ARPC2: variants seen among roughly 807,000 people sequenced by gnomAD.
ARPC2 encodes the protein actin-related protein 2/3 complex subunit 2.
A neutral mutation model predicts 38.6 loss-of-function variants in ARPC2; 4 were observed. The observed-to-expected ratio is 0.10, with a 90% CI of 0.05 to 0.24. The LOEUF (loss-of-function observed/expected upper bound fraction) is 0.24, where lower values mean the gene tolerates loss of function less well. Ranked by LOEUF, ARPC2 falls within the 10% of genes least tolerant of loss-of-function variation. ARPC2 has a pLI of 1.00. For missense variants in ARPC2, 229 were observed against 387.3 expected (o/e 0.59, Z 3.43); for synonymous variants, 125 against 140.8 (o/e 0.89, Z 0.79).
At chr2:218,224,099 A>G (rs1689443013) in intron 2 of ARPC2, among the ~76,000 whole-genome samples, 1 of 152,202 alleles carries the variant, frequency 6.6e-6, no homozygotes, top group East Asian at 1.9e-4. Context: ...TGATTTGACA[A>G]ATATTGCTAA....
At chr2:218,237,558 A>C in intron 5 of ARPC2, among the ~76,000 whole-genome samples, 2 of 149,938 alleles carry the variant, frequency 1.3e-5, no homozygotes, top group Admixed American at 6.7e-5. Context: ...GGAAATTAAC[A>C]AGTCAGGCAA....
rs766884359 is a variant in ARPC2, at chr2:218,253,874, T to TA, written c.879-16dup. 31 of 1,613,640 alleles carry TA rather than the reference T, an allele frequency of 1.9e-5. No homozygotes were observed. In the South Asian group the frequency reaches 3.2e-4, roughly 17 times the overall value. On this transcript the variant is annotated splice_polypyrimidine_tract_variant and intron_variant, in intron 10 of 10. Coordinates refer to ENST00000315717, the MANE Select transcript of ARPC2 (RefSeq NM_152862.3). Reference sequence around the variant, plus strand: ...GCAGCCAGAAACTGACCTTCGCACTTATCTCTCCTTTTGAAGGGGGAAGAC... The same window carrying TA: ...GCAGCCAGAAACTGACCTTCGCACTTAATCTCTCCTTTTGAAGGGGGAAGAC...
intron 2 of ARPC2, among the ~76,000 whole-genome samples, chr2:218,221,982 T>C (rs376842491): frequency 3.3e-5 from 5 of 152,164 alleles, no homozygotes. Context: ...AAATGGGGAA[T>C]TGGGGCCAGG....
intron 5 of ARPC2, among the ~76,000 whole-genome samples, chr2:218,238,000 C>T (rs746210762): frequency 2.6e-5 from 4 of 152,176 alleles, no homozygotes; most frequent in Non-Finnish European, 5.9e-5. Flanking sequence ...CTCCTTTTCC[C>T]TCTGCAAAAC....
chr2:218,229,433 G>A (rs1251226893), intron 4 of ARPC2: 2 of 152,210 alleles, frequency 1.3e-5, no homozygotes, highest in African/African-American at 4.8e-5. Context: ...TTTGCTCTGA[G>A]GAGAGCCATT....
chr2:218,249,282 A>T, intron 8 of ARPC2, 82 bp from the exon 9 acceptor site: 1 of 894,256 alleles, frequency 1.1e-6, no homozygotes, highest in Non-Finnish European at 1.8e-6. Context: ...AGAGGGAGTG[A>T]TGTTCACTAG....
intron 4 of ARPC2, chr2:218,233,375 TA>T (rs1318414230): frequency 6.6e-6 from 1 of 152,136 alleles, no homozygotes; most frequent in Non-Finnish European, 1.5e-5. Flanking sequence ...TCATAATTTT[TA>T]ACATGAGTTT....
intron 8 of ARPC2, among the ~76,000 whole-genome samples, chr2:218,246,283 G>A (rs1690029891): frequency 6.6e-6 from 1 of 152,030 alleles, no homozygotes; most frequent in Non-Finnish European, 1.5e-5. Context: ...AGCACTGTGG[G>A]AGGCCAACAT....
intron 3 of ARPC2, among the ~76,000 whole-genome samples, chr2:218,228,369 C>G (rs1689554002): frequency 6.6e-6 from 1 of 151,852 alleles, no homozygotes; most frequent in South Asian, 2.1e-4. Flanking sequence ...CACCATTGCA[C>G]TCCAGCCTGG....
chr2:218,244,198 A>T (rs1689978660), intron 7 of ARPC2, among the ~76,000 whole-genome samples: 1 of 152,168 alleles, frequency 6.6e-6, no homozygotes, highest in Non-Finnish European at 1.5e-5. Context: ...GACTAATCTA[A>T]CCCAGTTGAT....
At chr2:218,248,606 A>C (rs924796432) in intron 8 of ARPC2, among the ~76,000 whole-genome samples, 1 of 152,212 alleles carries the variant, frequency 6.6e-6, no homozygotes, top group African/African-American at 2.4e-5. Flanking sequence ...GATTACAGGC[A>C]CACGCCATCA....
intron 5 of ARPC2, 38 bp from the exon 6 acceptor site, chr2:218,238,626 G>C (rs1319484330): frequency 8.9e-7 from 1 of 1,126,900 alleles, no homozygotes; most frequent in Non-Finnish European, 1.2e-6. Flanking sequence ...TGTAACTGCT[G>C]GGTTGTTTTT....
chr2:218,230,564 G>A (rs147522905), intron 4 of ARPC2, among the ~76,000 whole-genome samples: 6 of 152,256 alleles, frequency 3.9e-5, no homozygotes, highest in African/African-American at 1.4e-4. Flanking sequence ...CTCCCAAAGT[G>A]CTGGGATTAT....
At chr2:218,242,018 C>T (rs1308591546) in intron 7 of ARPC2, among the ~76,000 whole-genome samples, 1 of 152,216 alleles carries the variant, frequency 6.6e-6, no homozygotes, top group African/African-American at 2.4e-5. Flanking sequence ...AAGTTGTACC[C>T]TGAGAACACT....
intron 7 of ARPC2, among the ~76,000 whole-genome samples, chr2:218,243,520 G>A (rs1019714104): frequency 2.6e-5 from 4 of 152,230 alleles, no homozygotes; most frequent in Non-Finnish European, 5.9e-5. Context: ...GCTCACGCCT[G>A]TAATCCCAGC....
chr2:218,238,645 G>GTTTTTTCTTTCCCTCCAGGATACAATGTC lies in ARPC2; in HGVS notation c.269-17_280dup. 2 of 665,142 alleles carry GTTTTTTCTTTCCCTCCAGGATACAATGTC rather than the reference G, an allele frequency of 3.0e-6. No individual in the cohort carries two copies. The highest frequency in any genetic ancestry group is 5.8e-5 in the South Asian group (2 of 34,382). 41.2% of individuals were successfully genotyped at this position (665,142 alleles called of 1,614,324 possible). A position where few individuals can be genotyped will look rare whatever the true frequency, so the allele number is the denominator to read the frequency against. ...ACTGCTGGGTTGTTTTTTGTTTCTTGTTTTTTCTTTCCCTCCAGGATACAA... is the reference window on the plus strand; with the variant it reads ...ACTGCTGGGTTGTTTTTTGTTTCTTGTTTTTTCTTTCCCTCCAGGATACAATGTCTTTTTTCTTTCCCTCCAGGATACAA... On this transcript the variant is annotated intron_variant, in intron 5 of 10. Coordinates refer to ENST00000315717, the MANE Select transcript of ARPC2 (RefSeq NM_152862.3).
chr2:218,247,625 G>A lies in ARPC2; in HGVS notation c.677-1739G>A, dbSNP rs561063676. 1.7e-3 allele frequency among the ~76,000 whole-genome samples: 257 copies of A among 151,244 alleles called. 1 individual carries two copies. The highest frequency in any genetic ancestry group is 5.7e-3 in the African/African-American group (236 of 41,262). ...ACCACAGGCGTGTGCCACCACACCCGGCTAATTTTTGTATTTTCAGTAGAA... is the reference window on the plus strand; with the variant it reads ...ACCACAGGCGTGTGCCACCACACCCAGCTAATTTTTGTATTTTCAGTAGAA... On this transcript the variant is annotated intron_variant, in intron 8 of 10. Coordinates refer to ENST00000315717, the MANE Select transcript of ARPC2 (RefSeq NM_152862.3).
chr2:218,225,842 C>G (rs1202420318), intron 2 of ARPC2, 78 bp from the exon 3 acceptor site: 1 of 1,368,402 alleles, frequency 7.3e-7, no homozygotes, highest in South Asian at 1.2e-5. Flanking sequence ...AAGTGAAGCT[C>G]AGGTGCCTTT....
chr2:218,228,460 G>T (rs538757230), intron 3 of ARPC2, among the ~76,000 whole-genome samples: 1 of 151,926 alleles, frequency 6.6e-6, no homozygotes, highest in East Asian at 1.9e-4. Context: ...TATACTGTTC[G>T]TTCTGCTTAT....
Sources: allele counts gnomAD v4.1 joint callset (sites outside exome capture counted in the v4.1 genomes callset), GRCh38; gene constraint gnomAD v4.1.1; transcripts MANE v1.5; gene names NCBI Gene and HGNC (gene_info 2026-07-23, HGNC 2026-07-21).